The following DESI2 variants were observed in gnomAD, a reference collection of about 807,000 sequenced individuals.
The protein encoded by DESI2 is deubiquitinase DESI2.
A neutral mutation model predicts 24.1 loss-of-function variants in DESI2; 10 were observed. The observed-to-expected ratio is 0.41, with a 90% CI of 0.26 to 0.70. The LOEUF (loss-of-function observed/expected upper bound fraction) is 0.70, where lower values mean the gene tolerates loss of function less well. DESI2 is among the 30% of genes least tolerant of loss of function. The pLI, the probability that DESI2 is intolerant of heterozygous loss-of-function variation, is 0.29. For missense variants in DESI2, 122 were observed against 234.9 expected (o/e 0.52, Z 3.14); for synonymous variants, 71 against 87.7 (o/e 0.81, Z 1.06).
rs749817118 is a variant in DESI2, at chr1:244,691,059, G to A, written c.210-820G>A. ...CACTTTCTCTTGGATAATGTCTGTC[G>A]CCTTTCCAAGGTAGTAGTTTGGAGT... On this transcript the variant is annotated intron_variant, in intron 3 of 4. Coordinates refer to ENST00000302550, the MANE Select transcript of DESI2 (RefSeq NM_016076.5). 6.6e-5 allele frequency among the ~76,000 whole-genome samples: 10 copies of A among 152,286 alleles called. No individual in the cohort carries two copies. In the East Asian group the frequency reaches 9.6e-4, roughly 15 times the overall value.
chr1:244,705,550 C>T lies in DESI2; in HGVS notation c.352-6C>T, dbSNP rs776536832. 2 of 1,611,600 alleles carry T rather than the reference C, an allele frequency of 1.2e-6. No individual in the cohort carries two copies. The highest frequency in any genetic ancestry group is 1.7e-6 in the Non-Finnish European group (2 of 1,177,860). On this transcript the variant is annotated splice_region_variant and splice_polypyrimidine_tract_variant and intron_variant, in intron 4 of 4. Transcript: ENST00000302550. ...TACCTAATACAGAACTCTTTCTCTTCTGTAGATTCTTTGTGGGAAAGAGAT... is the reference window on the plus strand; with the variant it reads ...TACCTAATACAGAACTCTTTCTCTTTTGTAGATTCTTTGTGGGAAAGAGAT...
intron 1 of DESI2, among the ~76,000 whole-genome samples, chr1:244,668,736 G>C (rs1676135423): frequency 6.6e-6 from 1 of 152,178 alleles, no homozygotes; most frequent in Admixed American, 6.5e-5. Context: ...TGACAAAAAT[G>C]AAGTTTAATG....
chr1:244,691,152 G>T (rs564380659), intron 3 of DESI2, among the ~76,000 whole-genome samples: 1 of 152,020 alleles, frequency 6.6e-6, no homozygotes. Context: ...ACAGTGGTAC[G>T]ATCTCGGCTC....
At chr1:244,705,504 C>T (rs998607094) in intron 4 of DESI2, 52 bp from the exon 5 acceptor site, 73 of 1,493,898 alleles carry the variant, frequency 4.9e-5, no homozygotes, top group Middle Eastern at 4.0e-4. Context: ...TGGCAGTGGA[C>T]CAGGTAATCT....
At chr1:244,701,951 TACC>T (rs1394037443) in intron 4 of DESI2, among the ~76,000 whole-genome samples, 6 of 152,242 alleles carry the variant, frequency 3.9e-5, no homozygotes, top group African/African-American at 1.4e-4. Context: ...TTTTTATTTT[TACC>T]ACTATATGTG....
intron 1 of DESI2, among the ~76,000 whole-genome samples, chr1:244,685,417 G>C (rs1325345618): frequency 6.6e-6 from 1 of 151,958 alleles, no homozygotes; most frequent in Non-Finnish European, 1.5e-5. Context: ...ATATATACAA[G>C]GGTCTGTACC....
At chr1:244,698,736 G>A (rs1014295971) in intron 4 of DESI2, among the ~76,000 whole-genome samples, 2 of 152,160 alleles carry the variant, frequency 1.3e-5, no homozygotes, top group Non-Finnish European at 2.9e-5. Flanking sequence ...GCAGATTCAG[G>A]ATACCCCTCT....
At chr1:244,698,348 C>CACTT (rs1558668056) in intron 4 of DESI2, among the ~76,000 whole-genome samples, 3 of 152,168 alleles carry the variant, frequency 2.0e-5, no homozygotes, top group African/African-American at 7.2e-5. Flanking sequence ...GGAAGACATA[C>CACTT]ACTTCTAAAC....
chr1:244,700,909 AATAG>A (rs555882804), intron 4 of DESI2, among the ~76,000 whole-genome samples: 36 of 152,330 alleles, frequency 2.4e-4, no homozygotes, highest in African/African-American at 4.3e-4. Context: ...ATTGTGACTT[AATAG>A]ATACAGTAAA....
At chr1:244,695,830 C>T (rs1035202545) in intron 4 of DESI2, among the ~76,000 whole-genome samples, 20 of 152,150 alleles carry the variant, frequency 1.3e-4, no homozygotes, top group African/African-American at 3.6e-4. Context: ...GGCTGGGGTG[C>T]AGTAATGTGA....
intron 1 of DESI2, among the ~76,000 whole-genome samples, chr1:244,686,073 T>A (rs1676805596): frequency 6.6e-6 from 1 of 152,222 alleles, no homozygotes. Context: ...TTCTAACCTT[T>A]GTGCATTGTT....
intron 1 of DESI2, among the ~76,000 whole-genome samples, chr1:244,665,280 C>T (rs900682306): frequency 5.3e-5 from 8 of 152,024 alleles, no homozygotes; most frequent in Non-Finnish European, 1.0e-4. Context: ...CTCAGAGTCA[C>T]GCCATAGTGG....
intron 1 of DESI2, among the ~76,000 whole-genome samples, chr1:244,666,087 T>C (rs1289031859): frequency 6.6e-6 from 1 of 152,196 alleles, no homozygotes; most frequent in Non-Finnish European, 1.5e-5. Flanking sequence ...CTCTGGTCAG[T>C]TGACATTCCC....
At chr1:244,672,827 A>G (rs909365109) in intron 1 of DESI2, among the ~76,000 whole-genome samples, 6 of 152,102 alleles carry the variant, frequency 3.9e-5, no homozygotes, top group Non-Finnish European at 2.9e-5. Context: ...CAGTGAGCCA[A>G]GATCGCCCCA....
chr1:244,677,830 G>A (rs1676462379), intron 1 of DESI2, among the ~76,000 whole-genome samples: 1 of 152,228 alleles, frequency 6.6e-6, no homozygotes, highest in African/African-American at 2.4e-5. Flanking sequence ...TGAGTTAGGA[G>A]GATTGCTTCA....
At chr1:244,668,333 C>G (rs918309876) in intron 1 of DESI2, among the ~76,000 whole-genome samples, 41 of 152,188 alleles carry the variant, frequency 2.7e-4, no homozygotes, top group Non-Finnish European at 1.2e-4. Flanking sequence ...TTAGTACCAA[C>G]AAGACCTCAT....
At chr1:244,702,429 G>C (rs1237131548) in intron 4 of DESI2, among the ~76,000 whole-genome samples, 1 of 152,132 alleles carries the variant, frequency 6.6e-6, no homozygotes, top group Non-Finnish European at 1.5e-5. Flanking sequence ...CAAGAGGATC[G>C]CCTGAACCTG....
In DESI2 at chr1:244,705,769, G is replaced by A. The variant is rs957182620; in HGVS notation, c.565G>A (p.Gly189Arg). Residue 189 changes from glycine to arginine, a missense_variant, in exon 5 of 5, where the codon GGG (glycine) becomes AGG (arginine). This residue lies in a region of DESI2 where 56 missense variants were observed against 67.9 expected (regional missense o/e 0.82). Coordinates refer to ENST00000302550, the MANE Select transcript of DESI2 (RefSeq NM_016076.5). ...VASTAAGSRP[G>R]RHTKL ...AAGCACTGCAGCAGGCTCCAGACCCGGGCGCCACACTAAACTATAAATGTC... is the reference window on the plus strand; with the variant it reads ...AAGCACTGCAGCAGGCTCCAGACCCAGGCGCCACACTAAACTATAAATGTC... The A allele has an allele frequency of 7.5e-6, 12 of 1,610,674 alleles. No homozygotes were observed. Among genetic ancestry groups the A allele is most frequent in the Middle Eastern group, 1.7e-4 (1 of 6,040 alleles).
intron 1 of DESI2, chr1:244,656,231 G>T (rs1409027813): frequency 6.6e-6 from 1 of 152,268 alleles, no homozygotes; most frequent in East Asian, 1.9e-4. Context: ...CTTGCCATGT[G>T]TCCTTGTGTC....
Sources: allele counts gnomAD v4.1 joint callset (sites outside exome capture counted in the v4.1 genomes callset), GRCh38; gene constraint gnomAD v4.1.1; regional missense constraint gnomAD v4.1.1; transcripts MANE v1.5; gene names NCBI Gene and HGNC (gene_info 2026-07-23, HGNC 2026-07-21).